The following TTC28 variants were observed in gnomAD, a reference collection of about 807,000 sequenced individuals.
TTC28 encodes tetratricopeptide repeat protein 28.
TTC28 carries 61 observed loss-of-function variants against 198.0 expected under a neutral mutation model. The ratio of observed to expected loss-of-function variants is 0.31; its 90% CI spans 0.25 to 0.38. The LOEUF (loss-of-function observed/expected upper bound fraction) is 0.38, where lower values mean the gene tolerates loss of function less well. Among genes scored for constraint, TTC28 ranks in the 10% least tolerant of loss-of-function variants. The pLI, the probability that TTC28 is intolerant of heterozygous loss-of-function variation, is 1.00. For synonymous variants in TTC28, 1,171 were observed against 1,297.8 expected (o/e 0.90, Z 2.10); for missense variants, 2,678 against 3,164.0 (o/e 0.85, Z 3.69).
chr22:28,074,419 C>T (rs1282735868), intron 12 of TTC28, among the ~76,000 whole-genome samples: 4 of 152,166 alleles, frequency 2.6e-5, no homozygotes, highest in Non-Finnish European at 4.4e-5. Flanking sequence ...TTCAGAATCC[C>T]ACCCTGTCCC....
intron 2 of TTC28, among the ~76,000 whole-genome samples, chr22:28,607,116 C>T (rs1191486792): frequency 2.6e-5 from 4 of 152,142 alleles, no homozygotes; most frequent in Non-Finnish European, 5.9e-5. Context: ...AGTTTCTCCC[C>T]AGTTTATTAC....
chr22:28,026,507 C>T (rs566309503), intron 13 of TTC28, among the ~76,000 whole-genome samples: 5 of 152,280 alleles, frequency 3.3e-5, no homozygotes, highest in Admixed American at 3.3e-4. Flanking sequence ...GAGGCTGGGC[C>T]CATGGGATGG....
chr22:28,367,583 G>A (rs529397951), intron 2 of TTC28, among the ~76,000 whole-genome samples: 1 of 151,660 alleles, frequency 6.6e-6, no homozygotes, highest in Non-Finnish European at 1.5e-5. Context: ...GATCAGAGCA[G>A]AAATAAATGA....
intron 12 of TTC28, among the ~76,000 whole-genome samples, chr22:28,057,007 G>A (rs1940317454): frequency 6.6e-6 from 1 of 152,180 alleles, no homozygotes; most frequent in Non-Finnish European, 1.5e-5. Context: ...CCATGCCATT[G>A]TATAACCATA....
In TTC28 at chr22:27,981,690, G is replaced by T. The variant is rs568473830; in HGVS notation, c.*531C>A. Reference sequence around the variant, plus strand: ...GCTACAATTTAATTACAAATCATTGGCATTTTAAAAACCATTTTTCTGTTT... The same window carrying T: ...GCTACAATTTAATTACAAATCATTGTCATTTTAAAAACCATTTTTCTGTTT... On this transcript the variant is annotated 3_prime_UTR_variant, in exon 23 of 23. Transcript: ENST00000397906. 6.6e-6 allele frequency: 1 copy of T among 152,300 alleles called. No individual in the cohort carries two copies. Among genetic ancestry groups the T allele is most frequent in the South Asian group, 2.1e-4 (1 of 4,824 alleles). 9.4% of individuals were successfully genotyped at this position (152,300 alleles called of 1,614,324 possible). A position where few individuals can be genotyped will look rare whatever the true frequency, so the allele number is the denominator to read the frequency against.
chr22:28,457,828 G>A (rs1319047487), intron 2 of TTC28, among the ~76,000 whole-genome samples: 1 of 151,990 alleles, frequency 6.6e-6, no homozygotes, highest in Non-Finnish European at 1.5e-5. Context: ...CAACTTCCAA[G>A]AAAAATGTGA....
intron 6 of TTC28, among the ~76,000 whole-genome samples, chr22:28,117,554 C>G (rs1455984365): frequency 6.6e-6 from 1 of 151,974 alleles, no homozygotes; most frequent in Non-Finnish European, 1.5e-5. Flanking sequence ...CCACAAAAAC[C>G]TGTAAACTTG....
chr22:28,363,495 TCGAAGCCC>T (rs2046191776), intron 2 of TTC28, among the ~76,000 whole-genome samples: 1 of 151,532 alleles, frequency 6.6e-6, no homozygotes, highest in Non-Finnish European at 1.5e-5. Context: ...AAATGTGGGG[TCGAAGCCC>T]CCACACAGAG....
At chr22:28,506,095 G>A (rs1257206601) in intron 2 of TTC28, among the ~76,000 whole-genome samples, 4 of 151,902 alleles carry the variant, frequency 2.6e-5, no homozygotes, top group African/African-American at 9.7e-5. Flanking sequence ...ACCTTCCTGC[G>A]GTGGCTTCAG....
intron 2 of TTC28, among the ~76,000 whole-genome samples, chr22:28,580,236 TTG>T (rs1381645337): frequency 6.6e-6 from 1 of 152,116 alleles, no homozygotes; most frequent in Non-Finnish European, 1.5e-5. Context: ...CATTATAGGG[TTG>T]TGTCTTATAA....
intron 2 of TTC28, among the ~76,000 whole-genome samples, chr22:28,590,408 C>G (rs867156302): frequency 1.3e-5 from 2 of 152,046 alleles, no homozygotes; most frequent in Non-Finnish European, 2.9e-5. Context: ...GGATTACAGG[C>G]GTGAGCCACC....
chr22:28,526,470 T>A (rs1173823663), intron 2 of TTC28, among the ~76,000 whole-genome samples: 1 of 152,134 alleles, frequency 6.6e-6, no homozygotes, highest in Non-Finnish European at 1.5e-5. Flanking sequence ...AAGTGTCAAA[T>A]CTTGAAAGAA....
chr22:28,176,017 CGAAAAATAGAACTACCATATGA>C, intron 5 of TTC28, among the ~76,000 whole-genome samples: 1 of 151,958 alleles, frequency 6.6e-6, no homozygotes, highest in East Asian at 1.9e-4. Flanking sequence ...CCTCAAGAAA[CGAAAAATAGAACTACCATATGA>C]TTCTGCAATC....
chr22:28,128,656 A>G (rs1340258544), intron 6 of TTC28, among the ~76,000 whole-genome samples: 2 of 152,070 alleles, frequency 1.3e-5, no homozygotes, highest in Non-Finnish European at 2.9e-5. Flanking sequence ...TCCTAACCTC[A>G]GTCTCCCCAG....
intron 1 of TTC28, among the ~76,000 whole-genome samples, chr22:28,653,805 C>T (rs924962378): frequency 6.6e-6 from 1 of 152,174 alleles, no homozygotes; most frequent in Admixed American, 6.5e-5. Flanking sequence ...ACCCTTTTCT[C>T]CTGTTAATGT....
intron 2 of TTC28, among the ~76,000 whole-genome samples, chr22:28,584,956 C>T (rs2146070456): frequency 6.8e-6 from 1 of 146,392 alleles, no homozygotes; most frequent in East Asian, 2.0e-4. Context: ...CCTAGACTTC[C>T]AGTAGTGACT....
At position 28,530,309 on chromosome 22, in the gene TTC28, A is replaced by G. The variant is rs182486743; in HGVS notation, c.381+99243T>C. Among the ~76,000 whole-genome samples, 139 of 152,334 alleles carry G rather than the reference A, an allele frequency of 9.1e-4. 1 individual carries two copies. The highest frequency in any genetic ancestry group is 1.5e-3 in the Non-Finnish European group (102 of 68,032). On this transcript the variant is annotated intron_variant, in intron 2 of 22. Transcript: ENST00000397906. ...TCGATCAAGTGGAAGAAAGGGTATC[A>G]GTGATTGAAGATCAAATGAATGAAA...
At chr22:28,080,557 TAA>T (rs1941310317) in intron 12 of TTC28, among the ~76,000 whole-genome samples, 2 of 152,068 alleles carry the variant, frequency 1.3e-5, no homozygotes, top group African/African-American at 4.8e-5. Flanking sequence ...TTGTTGTTGT[TAA>T]GTTGTAGGAG....
intron 15 of TTC28, chr22:28,000,112 G>T (rs1316437874): frequency 6.6e-6 from 1 of 152,206 alleles, no homozygotes; most frequent in Non-Finnish European, 1.5e-5. Flanking sequence ...GGGCCGCTGG[G>T]TGGCAGGAGC....
Sources: gnomAD v4.1 joint callset for allele counts (sites outside exome capture counted in the v4.1 genomes callset) on GRCh38, gnomAD v4.1.1 for gene constraint, MANE v1.5 for transcripts, NCBI Gene and HGNC (gene_info 2026-07-23, HGNC 2026-07-21) for gene names.